CA8: variants seen among roughly 807,000 people sequenced by gnomAD.
CA8 encodes carbonic anhydrase-related protein.
Under a neutral mutation model 41.4 loss-of-function variants are expected in CA8, and 22 were observed. The ratio of observed to expected loss-of-function variants is 0.53; its 90% CI spans 0.38 to 0.76. The LOEUF (loss-of-function observed/expected upper bound fraction) is 0.76. CA8 is among the 30% of genes least tolerant of loss of function. The pLI is 0.00. For synonymous variants in CA8, 121 were observed against 130.6 expected (o/e 0.93, Z 0.50); for missense variants, 270 against 352.8 (o/e 0.77, Z 1.88).
intron 3 of CA8, among the ~76,000 whole-genome samples, chr8:60,242,450 C>A (rs1808062478): frequency 6.6e-6 from 1 of 152,182 alleles, no homozygotes; most frequent in Admixed American, 6.5e-5. Flanking sequence ...ACCACCTATG[C>A]CACCTCTGAT....
chr8:60,241,182 T>C (rs1470870903), intron 3 of CA8, among the ~76,000 whole-genome samples: 1 of 152,216 alleles, frequency 6.6e-6, no homozygotes, highest in Non-Finnish European at 1.5e-5. Flanking sequence ...GCTGCTATTA[T>C]TCAGAGAAGG....
At chr8:60,252,218 G>T (rs1808479456) in intron 3 of CA8, among the ~76,000 whole-genome samples, 2 of 152,196 alleles carry the variant, frequency 1.3e-5, no homozygotes, top group South Asian at 4.1e-4. Flanking sequence ...GAAAGGGAGA[G>T]ATTTCAGGAC....
At chr8:60,237,249 T>C (rs575451706) in intron 3 of CA8, among the ~76,000 whole-genome samples, 4 of 152,380 alleles carry the variant, frequency 2.6e-5, no homozygotes, top group Admixed American at 2.6e-4. Context: ...CAGGAGACTG[T>C]ATCTTAAAAG....
chr8:60,247,250 T>C (rs1183863852), intron 3 of CA8, among the ~76,000 whole-genome samples: 1 of 152,198 alleles, frequency 6.6e-6, no homozygotes, highest in African/African-American at 2.4e-5. Flanking sequence ...CCGGGATACA[T>C]ATGCAGAATG....
intron 8 of CA8, among the ~76,000 whole-genome samples, chr8:60,203,079 G>T (rs1444659404): frequency 1.3e-5 from 2 of 152,100 alleles, no homozygotes; most frequent in Non-Finnish European, 2.9e-5. Context: ...AGCAAAGAAG[G>T]ATTAGTAAGG....
intron 3 of CA8, among the ~76,000 whole-genome samples, chr8:60,258,755 G>A (rs1803635854): frequency 6.6e-6 from 1 of 152,104 alleles, no homozygotes; most frequent in South Asian, 2.1e-4. Flanking sequence ...TCAGGAGTGT[G>A]CAACGTAGAT....
intron 7 of CA8, among the ~76,000 whole-genome samples, chr8:60,217,345 C>T (rs114871534): frequency 0.012 from 1,841 of 152,224 alleles, 48 homozygotes; most frequent in African/African-American, 0.041. Flanking sequence ...CTTTTTAGTC[C>T]TTAACTGAAT....
intron 1 of CA8, among the ~76,000 whole-genome samples, chr8:60,280,740 A>G (rs1041322636): frequency 3.9e-5 from 6 of 152,256 alleles, no homozygotes; most frequent in Admixed American, 6.5e-5. Context: ...CAGAAGACAT[A>G]AAAGGTACAG....
chr8:60,212,856 A>G (rs1413541583), intron 7 of CA8, among the ~76,000 whole-genome samples: 1 of 152,256 alleles, frequency 6.6e-6, no homozygotes, highest in Non-Finnish European at 1.5e-5. Flanking sequence ...TTGGGAGGTG[A>G]CAGATATTTT....
In CA8 at chr8:60,187,458, C is replaced by G. The variant is rs1805995796; in HGVS notation, c.*2563G>C. ...TACAAAGCAAGCAGAAGTTAGTCTG[C>G]TTTCTTACTAATCTTACTATTTTGT... is the stretch of plus-strand genomic sequence containing the variant. On this transcript the variant is annotated 3_prime_UTR_variant, in exon 9 of 9. Transcript: ENST00000317995. 6.6e-6 allele frequency: 1 copy of G among 152,018 alleles called. No homozygotes were observed. Among genetic ancestry groups the G allele is most frequent in the East Asian group, 1.9e-4 (1 of 5,192 alleles). The allele number at this position is 152,018 out of a possible 1,614,324, so 9.4% of individuals were successfully genotyped here.
intron 1 of CA8, among the ~76,000 whole-genome samples, chr8:60,280,267 ACAGT>A (rs1804367834): frequency 6.6e-6 from 1 of 152,242 alleles, no homozygotes; most frequent in Admixed American, 6.5e-5. Flanking sequence ...ATACTTAGTG[ACAGT>A]CAGAACCCTA....
At chr8:60,209,931 G>A (rs911606971) in intron 7 of CA8, among the ~76,000 whole-genome samples, 25 of 152,180 alleles carry the variant, frequency 1.6e-4, no homozygotes, top group African/African-American at 6.0e-4. Context: ...GACTCTCTGG[G>A]GAATACTAAT....
At chr8:60,276,639 T>C (rs1302090927) in intron 2 of CA8, among the ~76,000 whole-genome samples, 1 of 152,104 alleles carries the variant, frequency 6.6e-6, no homozygotes, top group East Asian at 1.9e-4. Context: ...CATGAGAAAT[T>C]ACATAATGGA....
chr8:60,222,800 G>A (rs779027421), intron 6 of CA8, 39 bp from the exon 7 acceptor site: 2 of 1,244,668 alleles, frequency 1.6e-6, no homozygotes, highest in South Asian at 2.4e-5. Context: ...AAAGGCAAGT[G>A]AATTAATAAC....
intron 8 of CA8, chr8:60,207,927 T>A (rs1178095852): frequency 6.6e-6 from 1 of 152,200 alleles, no homozygotes; most frequent in African/African-American, 2.4e-5. Context: ...AGCTAATTTT[T>A]AAATTGTTTA....
chr8:60,191,900 T>C (rs747809458), intron 8 of CA8, among the ~76,000 whole-genome samples: 17 of 152,122 alleles, frequency 1.1e-4, no homozygotes, highest in Non-Finnish European at 2.9e-5. Flanking sequence ...CACATACATG[T>C]TGGTGTCCTA....
intron 3 of CA8, among the ~76,000 whole-genome samples, chr8:60,259,046 T>C (rs1253910888): frequency 6.6e-6 from 1 of 152,186 alleles, no homozygotes; most frequent in Non-Finnish European, 1.5e-5. Context: ...GAGTTGTCTA[T>C]TGTACTCATA....
chr8:60,257,923 C>T (rs1037668840), intron 3 of CA8, among the ~76,000 whole-genome samples: 4 of 152,208 alleles, frequency 2.6e-5, no homozygotes, highest in African/African-American at 9.6e-5. Context: ...GAGGTCTTTT[C>T]AATGTTACAG....
At chr8:60,194,383 T>C (rs1806219540) in intron 8 of CA8, among the ~76,000 whole-genome samples, 1 of 152,158 alleles carries the variant, frequency 6.6e-6, no homozygotes, top group Non-Finnish European at 1.5e-5. Flanking sequence ...AGCCCGTTGG[T>C]CCACTTCTGC....
Sources: gnomAD v4.1 joint callset for allele counts (sites outside exome capture counted in the v4.1 genomes callset) on GRCh38, gnomAD v4.1.1 for gene constraint, MANE v1.5 for transcripts, NCBI Gene and HGNC (gene_info 2026-07-23, HGNC 2026-07-21) for gene names.